The following CIITA variants were observed in gnomAD, a reference collection of about 807,000 sequenced individuals.
The protein encoded by CIITA is MHC class II transactivator.
CIITA carries 72 observed loss-of-function variants against 115.1 expected under a neutral mutation model. The observed-to-expected ratio is 0.63, with a 90% CI of 0.52 to 0.76. The LOEUF is 0.76. CIITA is among the 30% of genes least tolerant of loss of function. CIITA has a pLI of 0.00. For missense variants in CIITA, 1,617 were observed against 1,463.8 expected, an observed-to-expected ratio of 1.10 and a Z score of -1.71; for synonymous variants, 763 against 635.6, an observed-to-expected ratio of 1.20 and a Z score of -3.02.
At chr16:10,890,418 C>G in intron 1 of CIITA, among the ~76,000 whole-genome samples, 1 of 152,166 alleles carries the variant, frequency 6.6e-6, no homozygotes, top group Admixed American at 6.5e-5. Context: ...TCCTGAGTAG[C>G]TGGTTCTACA....
At position 10,895,315 on chromosome 16, in the gene CIITA, C is replaced by A; in HGVS notation, c.86C>A (p.Pro29His). Residue 29 changes from proline (P) to histidine (H), a missense_variant, in exon 2 of 20, where the codon CCC becomes CAC. Transcript: ENST00000324288. ...CAGTGTGCCACCATGGAGTTGGGGC[C>A]CCTAGAAGGTGGCTACCTGGAGCTT... Reference protein sequence around the residue: ...SSQCATMELGPLEGGYLELLN... With the variant: ...SSQCATMELGHLEGGYLELLN... 6.2e-7 allele frequency: 1 copy of A among 1,614,024 alleles called. No homozygotes were observed. The highest frequency in any genetic ancestry group is 8.5e-7 in the Non-Finnish European group (1 of 1,180,008).
At chr16:10,875,957 G>A (rs959537899), upstream of CIITA, among the ~76,000 whole-genome samples, 6 of 152,118 alleles carry the variant, frequency 3.9e-5, no homozygotes, top group South Asian at 2.1e-4. Flanking sequence ...GCGAAAGAGC[G>A]CGACTCCGTC....
chr16:10,885,389 T>C (rs1196072102), intron 1 of CIITA, among the ~76,000 whole-genome samples: 2 of 152,206 alleles, frequency 1.3e-5, no homozygotes, highest in Non-Finnish European at 2.9e-5. Context: ...CTAGTCTCCC[T>C]GCCTTGAGGA....
chr16:10,912,424 T>G (rs558043008), intron 13 of CIITA, among the ~76,000 whole-genome samples: 2 of 152,172 alleles, frequency 1.3e-5, no homozygotes, highest in Admixed American at 1.3e-4. Context: ...TATAATTCAG[T>G]GCATTTTATA....
At chr16:10,888,519 A>G (rs941166170) in intron 1 of CIITA, 2 of 152,264 alleles carry the variant, frequency 1.3e-5, no homozygotes, top group Non-Finnish European at 2.9e-5. Context: ...CGGGGGAGAG[A>G]GAGGTGAATT....
At chr16:10,893,658 A>T (rs1194992403) in intron 1 of CIITA, among the ~76,000 whole-genome samples, 1 of 151,804 alleles carries the variant, frequency 6.6e-6, no homozygotes, top group East Asian at 1.9e-4. Context: ...AAAATGCAAA[A>T]ATTAGCCGGG....
Position 10,898,747 on chromosome 16 carries a change from G to T in CIITA, c.358+15G>T. The T allele has an allele frequency of 3.7e-6, 6 of 1,611,244 alleles. No individual in the cohort carries two copies. The highest frequency in any genetic ancestry group is 5.1e-6 in the Non-Finnish European group (6 of 1,178,748). The stretch of plus-strand genomic sequence containing the variant: ...GGACATTTTCAGTAAGTTTGTGGTG[G>T]GTGGGGAGGTCTTGGCTCAGCCTGC... On this transcript the variant is annotated intron_variant, in intron 4 of 19. Transcript: ENST00000324288.
Position 10,907,448 on chromosome 16 carries a change from C to T in CIITA, c.1956C>T (p.Ser652=), listed in dbSNP as rs1037966629. Residue 652 remains serine (S), a synonymous_variant, in exon 11 of 20, where the codon AGC becomes AGT. Coordinates refer to ENST00000324288, the MANE Select transcript of CIITA (RefSeq NM_000246.4). The surrounding 1 kb of genome is among the most constrained non-coding windows in gnomAD (Gnocchi z 5.0). ...TGCTGGGCCGTGCAGCCCTCGACAG[C>T]CCCCCCGGGGCCCTGGCAGAGCTGG... is the stretch of plus-strand genomic sequence containing the variant. ...VGLLGRAALD[S]PPGALAELAK... 3.1e-6 allele frequency: 5 copies of T among 1,612,808 alleles called. No individual in the cohort carries two copies. Among genetic ancestry groups the T allele is most frequent in the Non-Finnish European group, 3.4e-6 (4 of 1,179,768 alleles).
chr16:10,875,282 C>T (rs1041500538), upstream of CIITA, among the ~76,000 whole-genome samples: 2 of 152,180 alleles, frequency 1.3e-5, no homozygotes, highest in African/African-American at 4.8e-5. Context: ...CTGACATTCA[C>T]CATATCCGTT....
At position 10,910,265 on chromosome 16, in the gene CIITA, C is replaced by T; in HGVS notation, c.2888+6C>T. 2 of 1,613,372 alleles carry T rather than the reference C, an allele frequency of 1.2e-6. No homozygotes were observed. Among genetic ancestry groups the T allele is most frequent in the Non-Finnish European group, 8.5e-7 (1 of 1,179,480 alleles). On this transcript the variant is annotated splice_donor_region_variant and intron_variant, in intron 13 of 19. Coordinates refer to ENST00000324288, the MANE Select transcript of CIITA (RefSeq NM_000246.4). ...CTAAAGAAACTGGAGTTTGCGTAAG[C>T]AAAGGGGTGGATTGTCTTGTGGGTC...
In CIITA at chr16:10,901,906, C is replaced by A; in HGVS notation, c.482-132C>A. 1 of 1,304,754 alleles carries A rather than the reference C, an allele frequency of 7.7e-7. No individual in the cohort carries two copies. The highest frequency in any genetic ancestry group is 1.1e-6 in the Non-Finnish European group (1 of 917,610). 80.8% of individuals were successfully genotyped at this position (1,304,754 alleles called of 1,614,324 possible). ...ACAGAGCAGTTGCTGATCAACACAG[C>A]TGCAGCCAGGGCTGAGAAGATGACA... is the stretch of plus-strand genomic sequence containing the variant. On this transcript the variant is annotated intron_variant, in intron 6 of 19. Transcript: ENST00000324288. This position sits in a 1 kb window ranked among gnomAD's most constrained non-coding sequence, Gnocchi z 6.8.
At position 10,895,360 on chromosome 16, in the gene CIITA, C is replaced by A; in HGVS notation, c.131C>A (p.Pro44His). ...YLELLNSDAD[P>H]LCLYHFYDQM... ...GAGCTTCTTAACAGCGATGCTGACC[C>A]CCTGTGCCTCTACCACTTCTATGAC... is the stretch of plus-strand genomic sequence containing the variant. Residue 44 changes from proline (P) to histidine (H), a missense_variant, in exon 2 of 20, where the codon CCC becomes CAC. Coordinates refer to ENST00000324288, the MANE Select transcript of CIITA (RefSeq NM_000246.4). The A allele has an allele frequency of 6.2e-7, 1 of 1,614,132 alleles. No individual in the cohort carries two copies. The highest frequency in any genetic ancestry group is 8.5e-7 in the Non-Finnish European group (1 of 1,180,026).
intron 1 of CIITA, chr16:10,866,379 G>A (rs772257852): frequency 8.8e-6 from 5 of 567,022 alleles, no homozygotes; most frequent in South Asian, 7.0e-5. Context: ...TGGACAACCT[G>A]CTGAAGGAGG....
intron 10 of CIITA, among the ~76,000 whole-genome samples, chr16:10,905,035 G>T (rs1261660353): frequency 6.6e-6 from 1 of 152,186 alleles, no homozygotes; most frequent in East Asian, 1.9e-4. Flanking sequence ...CAATAAGCCT[G>T]CACTGGGTGT....
rs2040593980 is a variant in CIITA at position 10,927,787 on chromosome 16, A to G, written c.*3932A>G. 1 of 152,150 alleles carries G rather than the reference A, an allele frequency of 6.6e-6. No homozygotes were observed. Among genetic ancestry groups the G allele is most frequent in the Non-Finnish European group, 1.5e-5 (1 of 68,030 alleles). 9.4% of individuals were successfully genotyped at this position (152,150 alleles called of 1,614,324 possible). On this transcript the variant is annotated 3_prime_UTR_variant, in exon 20 of 20. Transcript: ENST00000324288. ...AGATCTAAGTGATACTTATAGTCAC[A>G]CTCCTATAAAGGAATGGACTTCTGA...
rs1223327927 is a variant in CIITA at position 10,930,917 on chromosome 16, C to A, written c.*7062C>A. 1 of 152,326 alleles carries A rather than the reference C, an allele frequency of 6.6e-6. No individual in the cohort carries two copies. Among genetic ancestry groups the A allele is most frequent in the Non-Finnish European group, 1.5e-5 (1 of 68,130 alleles). 9.4% of individuals were successfully genotyped at this position (152,326 alleles called of 1,614,324 possible). On this transcript the variant is annotated 3_prime_UTR_variant, in exon 20 of 20. Coordinates refer to ENST00000324288, the MANE Select transcript of CIITA (RefSeq NM_000246.4). The stretch of plus-strand genomic sequence containing the variant: ...TCCTGAGACACCTGCTGGCCAGCAG[C>A]CTGAAGCAGAATCCTTTACTCAGAT...
chr16:10,871,840 CAGA>C (rs1430569820), intron 1 of CIITA, among the ~76,000 whole-genome samples: 3 of 152,196 alleles, frequency 2.0e-5, no homozygotes, highest in Non-Finnish European at 4.4e-5. Flanking sequence ...CCAGGAACCA[CAGA>C]AGGAGACACA....
At chr16:10,882,560 T>C (rs992639922) in intron 1 of CIITA, among the ~76,000 whole-genome samples, 5 of 151,688 alleles carry the variant, frequency 3.3e-5, no homozygotes, top group African/African-American at 9.7e-5. Context: ...AAGACCTTTT[T>C]TTAGGAAAAA....
At chr16:10,912,462 T>G (rs1410849022) in intron 13 of CIITA, among the ~76,000 whole-genome samples, 2 of 152,212 alleles carry the variant, frequency 1.3e-5, no homozygotes, top group African/African-American at 2.4e-5. Context: ...CAAGAGCTAC[T>G]GTGGAAGACA....
Sources: gnomAD v4.1 joint callset for allele counts (sites outside exome capture counted in the v4.1 genomes callset) on GRCh38, gnomAD v4.1.1 for gene constraint, Gnocchi (gnomAD v3.1) non-coding constraint, MANE v1.5 for transcripts, NCBI Gene and HGNC (gene_info 2026-07-23, HGNC 2026-07-21) for gene names.